The following STIM1 variants were observed in gnomAD, a reference collection of about 807,000 sequenced individuals.
The protein encoded by STIM1 is stromal interaction molecule 1.
A neutral mutation model predicts 74.7 loss-of-function variants in STIM1; 25 were observed. That is an observed-to-expected ratio of 0.33 (90% confidence interval 0.24 to 0.47). STIM1 has a LOEUF of 0.47. Ranked by LOEUF, STIM1 falls within the 20% of genes least tolerant of loss-of-function variation. The probability of loss-of-function intolerance (pLI) is 1.00; values close to 1 mark genes in which losing one functional copy is unlikely to be tolerated. For synonymous variants in STIM1, 328 were observed against 348.8 expected, an observed-to-expected ratio of 0.94 and a Z score of 0.66; for missense variants, 728 against 920.8, an observed-to-expected ratio of 0.79 and a Z score of 2.71.
rs964563960 is a variant in STIM1, at chr11:4,086,495, G to T, written c.1586G>T (p.Ser529Ile). 6.2e-7 allele frequency: 1 copy of T among 1,614,044 alleles called. No individual in the cohort carries two copies. Among genetic ancestry groups the T allele is most frequent in the Non-Finnish European group, 8.5e-7 (1 of 1,180,032 alleles). The change falls in exon 12 of 13, where the codon AGT becomes ATT. Residue 529 changes from serine to isoleucine, a missense_variant. Transcript: ENST00000526596. ...WKYPAPSLQS[S>I]VRQRLTEPQH... Reference sequence around the variant, plus strand: ...CTTGCAGCCCCTAGCCTGCAGAGCAGTGTTCGGCAGCGCCTGACGGAGCCA... The same window carrying T: ...CTTGCAGCCCCTAGCCTGCAGAGCATTGTTCGGCAGCGCCTGACGGAGCCA...
chr11:4,016,425 G>T (rs1036145727), intron 2 of STIM1, among the ~76,000 whole-genome samples: 7 of 152,178 alleles, frequency 4.6e-5, no homozygotes, highest in Admixed American at 1.3e-4. Flanking sequence ...TGGAAGCTTT[G>T]TCCCAGAGGG....
chr11:3,883,072 C>G (rs1030963749), intron 1 of STIM1, among the ~76,000 whole-genome samples: 2 of 151,318 alleles, frequency 1.3e-5, no homozygotes, highest in African/African-American at 4.8e-5. Flanking sequence ...AGACATTTAT[C>G]TTTTTTAAAA....
intron 1 of STIM1, among the ~76,000 whole-genome samples, chr11:3,901,097 A>G (rs148705355): frequency 0.011 from 1,675 of 152,280 alleles, 14 homozygotes; most frequent in Middle Eastern, 0.027. Flanking sequence ...AGGTTGAGGC[A>G]GGAGAATTGC....
At chr11:4,039,249 G>A (rs1565156711) in intron 3 of STIM1, among the ~76,000 whole-genome samples, 2 of 152,124 alleles carry the variant, frequency 1.3e-5, no homozygotes, top group Non-Finnish European at 2.9e-5. Context: ...CTATGGTCAT[G>A]CCACTGTACT....
At chr11:3,878,982 G>A (rs1278289015) in intron 1 of STIM1, among the ~76,000 whole-genome samples, 1 of 151,562 alleles carries the variant, frequency 6.6e-6, no homozygotes, top group African/African-American at 2.4e-5. Flanking sequence ...TTGAGACGGA[G>A]TCTCGCCCTG....
chr11:4,031,729 C>G (rs73431633), intron 3 of STIM1, among the ~76,000 whole-genome samples: 2 of 152,078 alleles, frequency 1.3e-5, no homozygotes, highest in African/African-American at 4.8e-5. Flanking sequence ...GGTTGTTTTT[C>G]TAAATTGAGT....
intron 2 of STIM1, chr11:3,974,275 C>T (rs535594203): frequency 5.1e-5 from 17 of 330,844 alleles, no homozygotes; most frequent in South Asian, 4.7e-4. Flanking sequence ...ATGTTTTCAG[C>T]GGCATCCATG....
At chr11:4,078,526 A>C (rs1345849349) in intron 7 of STIM1, among the ~76,000 whole-genome samples, 1 of 151,246 alleles carries the variant, frequency 6.6e-6, no homozygotes, top group Non-Finnish European at 1.5e-5. Context: ...CTTTTGGTTT[A>C]TCTAGTCTAG....
chr11:3,903,995 G>A (rs1235913883), intron 1 of STIM1, among the ~76,000 whole-genome samples: 6 of 151,866 alleles, frequency 4.0e-5, no homozygotes, highest in African/African-American at 4.8e-5. Context: ...TCAGCAGTTC[G>A]AGACCAGCCT....
intron 5 of STIM1, among the ~76,000 whole-genome samples, chr11:4,066,970 C>T (rs900504045): frequency 2.7e-4 from 41 of 152,314 alleles, no homozygotes; most frequent in African/African-American, 9.9e-4. Context: ...TGGGGTACAG[C>T]CTAGGGCTCT....
At chr11:3,939,457 T>G (rs1411763417) in intron 1 of STIM1, among the ~76,000 whole-genome samples, 1 of 152,198 alleles carries the variant, frequency 6.6e-6, no homozygotes, top group Admixed American at 6.5e-5. Flanking sequence ...TGCATTCCAC[T>G]TAGGCCAGAG....
rs977099817 is a variant in STIM1, at chr11:4,086,212, C to T, written c.1568-265C>T. 7 of 535,010 alleles carry T rather than the reference C, an allele frequency of 1.3e-5. No individual in the cohort carries two copies. In the African/African-American group the frequency reaches 1.3e-4, roughly 10 times the overall value. The allele number at this position is 535,010 out of a possible 1,614,324, so 33.1% of individuals were successfully genotyped here. A position where few individuals can be genotyped will look rare whatever the true frequency, so the allele number is the denominator to read the frequency against. ...CTTGCTTGTGTCTACCCACTAACTG[C>T]CTTGCCACTTCCCTTTATAGTGATA... On this transcript the variant is annotated intron_variant, in intron 11 of 12. Coordinates refer to ENST00000526596, the MANE Select transcript of STIM1 (RefSeq NM_001382567.1).
rs574397666 is a variant in STIM1 at position 3,866,213 on chromosome 11, T to G, written c.139+9804T>G. On this transcript the variant is annotated intron_variant, in intron 1 of 12. Coordinates refer to ENST00000526596, the MANE Select transcript of STIM1 (RefSeq NM_001382567.1). ...AAACTTTTATTTATACTGCTTCACT[T>G]TTGTTTTTACTTATGTCATTTAACT... Among the ~76,000 whole-genome samples, 5 of 152,278 alleles carry G rather than the reference T, an allele frequency of 3.3e-5. No homozygotes were observed. The South Asian group carries it at 1.0e-3, about 32-fold the overall frequency.
intron 1 of STIM1, among the ~76,000 whole-genome samples, chr11:3,965,863 C>T (rs572710298): frequency 4.6e-5 from 7 of 151,820 alleles, no homozygotes; most frequent in South Asian, 4.2e-4. Flanking sequence ...AAAAATTAGC[C>T]GGGCGTGGTG....
intron 1 of STIM1, among the ~76,000 whole-genome samples, chr11:3,873,545 G>A (rs934175512): frequency 2.5e-4 from 38 of 152,026 alleles, no homozygotes; most frequent in Non-Finnish European, 3.4e-4. Context: ...AGGATTACAG[G>A]TGTGAGCTAC....
At chr11:3,916,894 G>A (rs1444124384) in intron 1 of STIM1, among the ~76,000 whole-genome samples, 1 of 152,200 alleles carries the variant, frequency 6.6e-6, no homozygotes, top group Non-Finnish European at 1.5e-5. Context: ...AGCCAGTAAT[G>A]ATTTTTAAAT....
At chr11:3,917,502 T>G (rs1347374653) in intron 1 of STIM1, among the ~76,000 whole-genome samples, 1 of 151,672 alleles carries the variant, frequency 6.6e-6, no homozygotes, top group Admixed American at 6.6e-5. Flanking sequence ...TGACACGATC[T>G]TGGTTCACTG....
chr11:3,856,517 G>A (rs893239383), intron 1 of STIM1, 108 bp downstream of exon 1: 17 of 1,371,142 alleles, frequency 1.2e-5, no homozygotes, highest in Non-Finnish European at 1.7e-5. Context: ...GTTCATGGAG[G>A]ATTCACACAT....
At chr11:3,896,053 C>T (rs1041427826) in intron 1 of STIM1, among the ~76,000 whole-genome samples, 66 of 151,676 alleles carry the variant, frequency 4.4e-4, no homozygotes, top group Non-Finnish European at 2.1e-4. Flanking sequence ...TACAGGCGCC[C>T]ACCACCACAC....
Sources: gnomAD v4.1 joint callset for allele counts (sites outside exome capture counted in the v4.1 genomes callset) on GRCh38, gnomAD v4.1.1 for gene constraint, MANE v1.5 for transcripts, NCBI Gene and HGNC (gene_info 2026-07-23, HGNC 2026-07-21) for gene names.